TLL2: variants seen among roughly 807,000 people sequenced by gnomAD.
TLL2 encodes tolloid-like protein 2.
A neutral mutation model predicts 123.0 loss-of-function variants in TLL2; 106 were observed. That is an observed-to-expected ratio of 0.86 (90% CI 0.74 to 1.01). The LOEUF is 1.01. TLL2 is among the 50% of genes least tolerant of loss of function. The pLI is 0.00. For synonymous variants in TLL2, 494 were observed against 516.8 expected (o/e 0.96, Z 0.60); for missense variants, 1,332 against 1,336.7 (o/e 1.00, Z 0.06).
chr10:96,430,919 C>A (rs1846732581), intron 4 of TLL2, among the ~76,000 whole-genome samples: 1 of 152,084 alleles, frequency 6.6e-6, no homozygotes, highest in South Asian at 2.1e-4. Flanking sequence ...CAAACAACAA[C>A]AACAAAAAAT....
chr10:96,446,988 G>A (rs950844390), intron 2 of TLL2, among the ~76,000 whole-genome samples: 1 of 152,220 alleles, frequency 6.6e-6, no homozygotes, highest in Non-Finnish European at 1.5e-5. Flanking sequence ...ATCATTGCAG[G>A]TTTGGAAAAT....
At chr10:96,448,560 C>T (rs573857224) in intron 2 of TLL2, among the ~76,000 whole-genome samples, 12 of 152,240 alleles carry the variant, frequency 7.9e-5, no homozygotes, top group Middle Eastern at 3.4e-3. Flanking sequence ...ACAGGCCAGA[C>T]GCTGTGTCTG....
At chr10:96,401,560 C>CA (rs776669305) in intron 10 of TLL2, among the ~76,000 whole-genome samples, 3,171 of 132,594 alleles carry the variant, frequency 0.024, 45 homozygotes, top group Non-Finnish European at 0.036. Flanking sequence ...AAATATGAGC[C>CA]AAAAAAAAAA....
chr10:96,403,745 A>G (rs529026911), intron 10 of TLL2, among the ~76,000 whole-genome samples: 60 of 149,860 alleles, frequency 4.0e-4, no homozygotes, highest in African/African-American at 1.3e-3. Context: ...CAGTTGAGAT[A>G]GAGGAAGACC....
chr10:96,491,382 CAA>C (rs56077935), intron 1 of TLL2, among the ~76,000 whole-genome samples: 326 of 129,760 alleles, frequency 2.5e-3, no homozygotes, highest in East Asian at 0.021. Flanking sequence ...AACTCTGTCT[CAA>C]AAAAAAAAAA....
chr10:96,413,650 G>C (rs1846528946), intron 7 of TLL2, among the ~76,000 whole-genome samples: 1 of 152,130 alleles, frequency 6.6e-6, no homozygotes, highest in Non-Finnish European at 1.5e-5. Context: ...AGAGACCACG[G>C]TGTGAATGGC....
chr10:96,479,476 G>A (rs58757826), intron 2 of TLL2, among the ~76,000 whole-genome samples: 3,465 of 152,294 alleles, frequency 0.023, 138 homozygotes, highest in African/African-American at 0.077. Flanking sequence ...CTGGAAGAGG[G>A]GTTGCCTGAT....
At chr10:96,457,335 C>T (rs1291074538) in intron 2 of TLL2, among the ~76,000 whole-genome samples, 1 of 152,208 alleles carries the variant, frequency 6.6e-6, no homozygotes, top group Non-Finnish European at 1.5e-5. Flanking sequence ...CTGCCCGGAA[C>T]TCACCTGGCT....
intron 17 of TLL2, among the ~76,000 whole-genome samples, chr10:96,377,989 G>A (rs1307409445): frequency 1.3e-5 from 2 of 152,210 alleles, no homozygotes; most frequent in Non-Finnish European, 2.9e-5. Flanking sequence ...GTCCTGGCCC[G>A]GGCCCATCTC....
intron 1 of TLL2, among the ~76,000 whole-genome samples, chr10:96,502,604 G>A (rs1031390480): frequency 6.6e-5 from 10 of 152,178 alleles, no homozygotes; most frequent in Non-Finnish European, 1.0e-4. Context: ...TGGTACCAGT[G>A]TGGTATCTGC....
chr10:96,502,916 G>A (rs924146915), intron 1 of TLL2, among the ~76,000 whole-genome samples: 2 of 151,340 alleles, frequency 1.3e-5, no homozygotes, highest in Non-Finnish European at 3.0e-5. Flanking sequence ...TCATGCGGGC[G>A]AGCTTGAGAA....
chr10:96,469,901 G>A (rs1161427172), intron 2 of TLL2, among the ~76,000 whole-genome samples: 2 of 152,190 alleles, frequency 1.3e-5, no homozygotes, highest in Non-Finnish European at 2.9e-5. Context: ...CCAGGGAAGA[G>A]TGTGGGGAAT....
chr10:96,481,980 A>C (rs1847315438), intron 1 of TLL2, among the ~76,000 whole-genome samples: 1 of 152,238 alleles, frequency 6.6e-6, no homozygotes, highest in Non-Finnish European at 1.5e-5. Flanking sequence ...TAACTTAGCC[A>C]GGTGCGGTGG....
chr10:96,476,240 A>ATATATATATATATATTCTTTTTTTTTTT, intron 2 of TLL2, among the ~76,000 whole-genome samples: 11 of 20,488 alleles, frequency 5.4e-4, no homozygotes, highest in African/African-American at 1.7e-3. Context: ...ATATATATAT[A>ATATATATATATATATTCTTTTTTTTTTT]TTTTATTTTT....
intron 2 of TLL2, among the ~76,000 whole-genome samples, chr10:96,477,389 G>T (rs1053672989): frequency 6.9e-6 from 1 of 145,728 alleles, no homozygotes; most frequent in Non-Finnish European, 1.5e-5. Context: ...TTGCTCTGTC[G>T]CCCAGGCTGG....
rs368472462 is a variant in TLL2, at chr10:96,508,306, G to A, written c.175+5205C>T. Among the ~76,000 whole-genome samples the A allele has an allele frequency of 6.6e-4, 100 of 152,344 alleles. No homozygotes were observed. In the South Asian group the frequency reaches 0.016, roughly 25 times the overall value. ...CTAGGCTGACAGTAACATGAGGGCT[G>A]CTGGCAACAGCTGCCCCAGAGAGGG... On this transcript the variant is annotated intron_variant, in intron 1 of 20. Transcript: ENST00000357947.
chr10:96,423,212 T>C (rs368735345), intron 5 of TLL2, among the ~76,000 whole-genome samples: 4 of 151,642 alleles, frequency 2.6e-5, no homozygotes, highest in African/African-American at 9.7e-5. Context: ...AATGACCCAA[T>C]GCAGAAATTC....
intron 2 of TLL2, among the ~76,000 whole-genome samples, chr10:96,461,606 T>A (rs1847082488): frequency 1.3e-5 from 2 of 152,226 alleles, no homozygotes; most frequent in Non-Finnish European, 2.9e-5. Flanking sequence ...CTCACCTCCA[T>A]GCCTTTGTTT....
chr10:96,370,856 G>A (rs1214087118), intron 19 of TLL2, among the ~76,000 whole-genome samples: 1 of 152,158 alleles, frequency 6.6e-6, no homozygotes, highest in East Asian at 1.9e-4. Context: ...TTGACTATAG[G>A]CCAACTTTGA....
Sources: gnomAD v4.1 joint callset for allele counts (sites outside exome capture counted in the v4.1 genomes callset) on GRCh38, gnomAD v4.1.1 for gene constraint, MANE v1.5 for transcripts, NCBI Gene and HGNC (gene_info 2026-07-23, HGNC 2026-07-21) for gene names.